Variants in DIAPH2 observed in about 807,000 individuals in gnomAD.
The protein encoded by DIAPH2 is diaphanous related formin 2, also known as protein diaphanous homolog 2.
A neutral mutation model predicts 92.7 loss-of-function variants in DIAPH2; 35 were observed. The ratio of observed to expected loss-of-function variants is 0.38; its 90% CI spans 0.29 to 0.50. The LOEUF is 0.50. DIAPH2 is among the 20% of genes least tolerant of loss of function. The probability of loss-of-function intolerance (pLI) is 0.94; values close to 1 mark genes in which losing one functional copy is unlikely to be tolerated. For missense variants in DIAPH2, 701 were observed against 819.5 expected (o/e 0.86, Z 1.77); for synonymous variants, 301 against 280.4 (o/e 1.07, Z -0.73).
chrX:97,268,629 T>C (rs138932452), intron 23 of DIAPH2, among the ~76,000 whole-genome samples: 1,761 of 111,920 alleles, frequency 0.016, 43 homozygotes, highest in African/African-American at 0.054. Context: ...GGGAAAGTCA[T>C]TTGCCACATC....
chrX:97,380,625 T>C (rs1412851659), intron 24 of DIAPH2, among the ~76,000 whole-genome samples: 1 of 110,558 alleles, frequency 9.0e-6, no homozygotes, highest in Admixed American at 9.7e-5. Context: ...GGTTAAACAA[T>C]GTCTTAAAAA....
rs758117797 is a variant in DIAPH2 at position 96,685,284 on chromosome X, C to A, written c.132+94C>A. On this transcript the variant is annotated intron_variant, in intron 1 of 26. Coordinates refer to ENST00000324765, the MANE Select transcript of DIAPH2 (RefSeq NM_006729.5). ...CACGGGGGCACCCGGGGCCCCCTCC[C>A]AAGGATGACCGCGACCTCGCTGTGC... 2.6e-5 allele frequency: 23 copies of A among 896,825 alleles called. No individual in the cohort carries two copies. In the South Asian group the frequency reaches 1.3e-3, roughly 52 times the overall value. The allele number at this position is 896,825 out of a possible 1,213,427, so 73.9% of individuals were successfully genotyped here.
Position 96,689,177 on chromosome X carries a change from G to A in DIAPH2, c.132+3987G>A, listed in dbSNP as rs184572595. Among the ~76,000 whole-genome samples the A allele has an allele frequency of 2.0e-3, 216 of 106,115 alleles. 1 individual carries two copies. Among genetic ancestry groups the A allele is most frequent in the African/African-American group, 6.7e-3 (195 of 28,959 alleles). The allele number at this position is 106,115 out of a possible 115,157, so 92.1% of individuals were successfully genotyped here. Reference sequence around the variant, plus strand: ...CAGATAAGGGAGCATATCCAATAAAGAAAGTTCACTTAGATGAATATGGCT... The same window carrying A: ...CAGATAAGGGAGCATATCCAATAAAAAAAGTTCACTTAGATGAATATGGCT... On this transcript the variant is annotated intron_variant, in intron 1 of 26. Coordinates refer to ENST00000324765, the MANE Select transcript of DIAPH2 (RefSeq NM_006729.5).
chrX:97,440,121 T>C (rs1292031734), intron 26 of DIAPH2, among the ~76,000 whole-genome samples: 4 of 111,523 alleles, frequency 3.6e-5, no homozygotes, highest in Non-Finnish European at 3.8e-5. Flanking sequence ...CTGGTATTAC[T>C]TTGAGGTACT....
At chrX:97,094,704 T>C (rs1286085976) in intron 19 of DIAPH2, among the ~76,000 whole-genome samples, 1 of 112,349 alleles carries the variant, frequency 8.9e-6, no homozygotes, top group African/African-American at 3.2e-5. Flanking sequence ...GGCAAATTAC[T>C]CAGTCATATG....
chrX:97,495,056 T>C (rs2070749479), intron 26 of DIAPH2, among the ~76,000 whole-genome samples: 1 of 112,639 alleles, frequency 8.9e-6, no homozygotes, highest in Non-Finnish European at 1.9e-5. Context: ...GGCTGGTACA[T>C]TGGAAGCATT....
chrX:96,722,077 C>G lies in DIAPH2; in HGVS notation c.133-13681C>G, dbSNP rs185322265. Among the ~76,000 whole-genome samples, 77 of 111,742 alleles carry G rather than the reference C, an allele frequency of 6.9e-4. 2 individuals are homozygous for G. The East Asian group carries it at 0.018, about 27-fold the overall frequency. ...TTTGGCATTTAAAGAGACTCTTGGCCGGGCACAGTGGCTCATGCCTGTAAT... is the reference window on the plus strand; with the variant it reads ...TTTGGCATTTAAAGAGACTCTTGGCGGGGCACAGTGGCTCATGCCTGTAAT... On this transcript the variant is annotated intron_variant, in intron 1 of 26. Coordinates refer to ENST00000324765, the MANE Select transcript of DIAPH2 (RefSeq NM_006729.5).
At chrX:97,560,176 T>C (rs1443852322) in intron 26 of DIAPH2, among the ~76,000 whole-genome samples, 1 of 112,166 alleles carries the variant, frequency 8.9e-6, no homozygotes, top group African/African-American at 3.2e-5. Context: ...CTAGCATCTG[T>C]TTTTACTCAT....
chrX:97,174,050 TAAA>T (rs1246797212), intron 22 of DIAPH2, among the ~76,000 whole-genome samples: 1 of 100,074 alleles, frequency 1.0e-5, no homozygotes, highest in Non-Finnish European at 2.0e-5. Context: ...TATTATATAA[TAAA>T]AATATATAAT....
At chrX:97,044,429 A>G (rs2066467389) in intron 17 of DIAPH2, among the ~76,000 whole-genome samples, 1 of 111,518 alleles carries the variant, frequency 9.0e-6, no homozygotes, top group Non-Finnish European at 1.9e-5. Context: ...AAACATGCAC[A>G]TGTTTGATGA....
In DIAPH2 at chrX:97,236,895, A is replaced by G. The variant is rs143695772; in HGVS notation, c.2720-10820A>G. Among the ~76,000 whole-genome samples, 1,087 of 112,021 alleles carry G rather than the reference A, an allele frequency of 9.7e-3. 17 individuals carry two copies. The highest frequency in any genetic ancestry group is 0.033 in the African/African-American group (1,031 of 30,846). Reference sequence around the variant, plus strand: ...CAGATAAAAGCATTTGTGAATGCTTATTCAAGAAGCAGGTAGTCGTCTTGT... The same window carrying G: ...CAGATAAAAGCATTTGTGAATGCTTGTTCAAGAAGCAGGTAGTCGTCTTGT... On this transcript the variant is annotated intron_variant, in intron 22 of 26. Coordinates refer to ENST00000324765, the MANE Select transcript of DIAPH2 (RefSeq NM_006729.5).
intron 22 of DIAPH2, among the ~76,000 whole-genome samples, chrX:97,202,563 A>G (rs760981122): frequency 8.0e-5 from 9 of 112,271 alleles, no homozygotes; most frequent in Non-Finnish European, 1.3e-4. Flanking sequence ...TTTTAAACCA[A>G]CAAAGGTTAA....
At chrX:96,913,723 T>C (rs2065484406) in intron 7 of DIAPH2, among the ~76,000 whole-genome samples, 1 of 111,118 alleles carries the variant, frequency 9.0e-6, no homozygotes, top group Non-Finnish European at 1.9e-5. Flanking sequence ...CAAGTTTACA[T>C]ACATATAAGA....
chrX:97,202,469 T>C (rs1346871819), intron 22 of DIAPH2, among the ~76,000 whole-genome samples: 1 of 111,251 alleles, frequency 9.0e-6, no homozygotes, highest in Non-Finnish European at 1.9e-5. Context: ...TGGAGGAGTA[T>C]TTACCAAGTA....
rs1381338101 is a variant in DIAPH2, at chrX:96,962,491, A to G, written c.1936-2602A>G. Among the ~76,000 whole-genome samples, 14 of 23,007 alleles carry G rather than the reference A, an allele frequency of 6.1e-4. 1 individual carries two copies. Among genetic ancestry groups the G allele is most frequent in the African/African-American group, 1.6e-3 (14 of 8,536 alleles). The allele number at this position is 23,007 out of a possible 115,157, so 20.0% of individuals were successfully genotyped here. A position where few individuals can be genotyped will look rare whatever the true frequency, so the allele number is the denominator to read the frequency against. On this transcript the variant is annotated intron_variant, in intron 16 of 26. Coordinates refer to ENST00000324765, the MANE Select transcript of DIAPH2 (RefSeq NM_006729.5). ...TACATATATATATACACACACACAC[A>G]CACACATATATATATATATATATAT...
chrX:97,028,967 G>A (rs1227133732), intron 17 of DIAPH2, among the ~76,000 whole-genome samples: 1 of 111,053 alleles, frequency 9.0e-6, no homozygotes, highest in African/African-American at 3.3e-5. Flanking sequence ...CATATCCTTT[G>A]CAACACTTGG....
intron 7 of DIAPH2, among the ~76,000 whole-genome samples, chrX:96,915,547 C>A (rs1445750878): frequency 9.0e-6 from 1 of 110,576 alleles, no homozygotes; most frequent in Non-Finnish European, 1.9e-5. Flanking sequence ...GCTGATGGAA[C>A]TATTCATATG....
At chrX:97,596,296 C>T (rs1000919866) in intron 26 of DIAPH2, among the ~76,000 whole-genome samples, 1 of 111,775 alleles carries the variant, frequency 8.9e-6, no homozygotes, top group Admixed American at 9.5e-5. Context: ...TATTTCATTG[C>T]ACAATGTCCC....
chrX:96,711,083 G>T (rs2063915056), intron 1 of DIAPH2, among the ~76,000 whole-genome samples: 1 of 111,937 alleles, frequency 8.9e-6, no homozygotes, highest in Non-Finnish European at 1.9e-5. Flanking sequence ...TTATCCACTT[G>T]CTGGCTGATG....
Sources: gnomAD v4.1 joint callset for allele counts (sites outside exome capture counted in the v4.1 genomes callset) on GRCh38, gnomAD v4.1.1 for gene constraint, MANE v1.5 for transcripts, NCBI Gene and HGNC (gene_info 2026-07-23, HGNC 2026-07-21) for gene names.